The following IL1RAP variants were observed in gnomAD, a reference collection of about 807,000 sequenced individuals.
IL1RAP encodes interleukin-1 receptor accessory protein.
In IL1RAP, 35 loss-of-function variants were observed where a neutral mutation model predicts 60.7. That is an observed-to-expected ratio of 0.58 (90% CI 0.44 to 0.76). The LOEUF is 0.76. IL1RAP is among the 30% of genes least tolerant of loss of function. The probability of loss-of-function intolerance (pLI) is 0.00; values close to 1 mark genes in which losing one functional copy is unlikely to be tolerated. For synonymous variants in IL1RAP, 268 were observed against 250.9 expected (o/e 1.07, Z -0.64); for missense variants, 572 against 693.9 (o/e 0.82, Z 1.97).
intron 5 of IL1RAP, among the ~76,000 whole-genome samples, chr3:190,610,798 T>A (rs968259293): frequency 3.3e-5 from 5 of 152,214 alleles, no homozygotes; most frequent in Non-Finnish European, 7.4e-5. Context: ...TCTGCTTAAG[T>A]TGTTAATGAT....
intron 4 of IL1RAP, among the ~76,000 whole-genome samples, chr3:190,606,846 A>G (rs180800163): frequency 1.3e-5 from 2 of 152,276 alleles, no homozygotes; most frequent in Admixed American, 1.3e-4. Context: ...TAAGGCCATA[A>G]AGTTAGTTTC....
downstream of IL1RAP, among the ~76,000 whole-genome samples, chr3:190,655,606 T>TGTGTGTGTGTGTGTG (rs1560251150): frequency 1.4e-5 from 2 of 148,050 alleles, no homozygotes; most frequent in South Asian, 2.1e-4. Flanking sequence ...TGTGTGTGTG[T>TGTGTGTGTGTGTGTG]TTTAAGAAAG....
intron 3 of IL1RAP, among the ~76,000 whole-genome samples, chr3:190,600,367 C>A (rs1462946254): frequency 6.6e-6 from 1 of 152,214 alleles, no homozygotes; most frequent in African/African-American, 2.4e-5. Flanking sequence ...GGGCTTGGAA[C>A]AAAGCATGTA....
chr3:190,559,490 T>G (rs1294973703), intron 2 of IL1RAP, among the ~76,000 whole-genome samples: 1 of 152,176 alleles, frequency 6.6e-6, no homozygotes, highest in African/African-American at 2.4e-5. Flanking sequence ...GCTATCTTTC[T>G]TCTTTTCTAA....
intron 3 of IL1RAP, among the ~76,000 whole-genome samples, chr3:190,568,984 A>T (rs149790604): frequency 2.0e-5 from 3 of 152,338 alleles, no homozygotes; most frequent in African/African-American, 7.2e-5. Flanking sequence ...GAGCAGAGAA[A>T]GTTACCAATC....
chr3:190,571,360 T>A (rs970088796), intron 3 of IL1RAP, among the ~76,000 whole-genome samples: 1 of 151,088 alleles, frequency 6.6e-6, no homozygotes, highest in Non-Finnish European at 1.5e-5. Flanking sequence ...AAAAAAAAAT[T>A]AAAAAAATAG....
chr3:190,553,323 TATC>T (rs1478185471), intron 1 of IL1RAP, among the ~76,000 whole-genome samples: 2 of 152,222 alleles, frequency 1.3e-5, no homozygotes, highest in African/African-American at 2.4e-5. Context: ...CATTGATCCT[TATC>T]ATTCCTAGCC....
intron 10 of IL1RAP, among the ~76,000 whole-genome samples, chr3:190,645,339 A>G (rs983865463): frequency 4.6e-5 from 7 of 152,174 alleles, no homozygotes; most frequent in Non-Finnish European, 1.0e-4. Context: ...TCAATTTGTA[A>G]TTTTAAGATA....
intron 1 of IL1RAP, among the ~76,000 whole-genome samples, chr3:190,521,375 CTACATATTT>C (rs368702321): frequency 2.4e-4 from 37 of 151,746 alleles, no homozygotes; most frequent in African/African-American, 8.0e-4. Flanking sequence ...CTCAAAGGGG[CTACATATTT>C]ACTACAGCCA....
exon 12 of IL1RAP, chr3:190,659,367 T>G (rs1240444453): frequency 6.6e-6 from 1 of 152,122 alleles, no homozygotes; most frequent in Non-Finnish European, 1.5e-5. Flanking sequence ...GTAAAAGTCT[T>G]AGTTTTCAGT....
intron 7 of IL1RAP, among the ~76,000 whole-genome samples, chr3:190,624,052 C>A (rs1319924923): frequency 6.6e-6 from 1 of 152,186 alleles, no homozygotes; most frequent in Non-Finnish European, 1.5e-5. Context: ...TACAATACAT[C>A]CAGTCCAAAC....
At chr3:190,559,567 T>A (rs1244043350) in intron 2 of IL1RAP, among the ~76,000 whole-genome samples, 1 of 152,202 alleles carries the variant, frequency 6.6e-6, no homozygotes, top group African/African-American at 2.4e-5. Context: ...ACACTTGGTA[T>A]GTTTTATTTT....
At chr3:190,585,537 C>T (rs551928374) in intron 3 of IL1RAP, among the ~76,000 whole-genome samples, 1 of 152,284 alleles carries the variant, frequency 6.6e-6, no homozygotes, top group African/African-American at 2.4e-5. Flanking sequence ...TTAGGCTGGG[C>T]ATGGTGGCTC....
downstream of IL1RAP, among the ~76,000 whole-genome samples, chr3:190,653,584 C>T (rs1286137414): frequency 6.6e-6 from 1 of 152,134 alleles, no homozygotes; most frequent in African/African-American, 2.4e-5. Flanking sequence ...AAATGACCAT[C>T]CTAGTTTTCT....
chr3:190,615,082 G>GA (rs1731152472), intron 5 of IL1RAP, among the ~76,000 whole-genome samples: 1 of 151,746 alleles, frequency 6.6e-6, no homozygotes, highest in African/African-American at 2.4e-5. Flanking sequence ...CTGCATGGCG[G>GA]AAAAAAATTC....
intron 3 of IL1RAP, among the ~76,000 whole-genome samples, chr3:190,574,735 AC>A (rs1236836670): frequency 6.6e-6 from 1 of 152,030 alleles, no homozygotes; most frequent in African/African-American, 2.4e-5. Flanking sequence ...TTGTGGTCTC[AC>A]TCCAAGTTCT....
intron 2 of IL1RAP, among the ~76,000 whole-genome samples, chr3:190,560,555 T>C (rs1194452810): frequency 2.0e-5 from 3 of 152,124 alleles, no homozygotes; most frequent in Non-Finnish European, 4.4e-5. Context: ...TATAGAGCTA[T>C]ATATGGGATC....
chr3:190,651,960 C>T (rs904407109), downstream of IL1RAP, among the ~76,000 whole-genome samples: 1 of 152,114 alleles, frequency 6.6e-6, no homozygotes, highest in Non-Finnish European at 1.5e-5. Context: ...GAATATTTTT[C>T]ATCTAATAGG....
At position 190,650,463 on chromosome 3, in the gene IL1RAP, G is replaced by C; in HGVS notation, c.*1758G>C. On this transcript the variant is annotated 3_prime_UTR_variant, in exon 12 of 12. Coordinates refer to ENST00000447382, the MANE Select transcript of IL1RAP (RefSeq NM_002182.4). ...TCAGTGCTCAACTATTTGAACTGTT[G>C]AGTGATAAAGGAAACAAATATAACT... The C allele has an allele frequency of 1.0e-6, 1 of 983,292 alleles. No individual in the cohort carries two copies. Among genetic ancestry groups the C allele is most frequent in the Non-Finnish European group, 1.2e-6 (1 of 828,090 alleles). 60.9% of individuals were successfully genotyped at this position (983,292 alleles called of 1,614,324 possible).
Sources: allele counts gnomAD v4.1 joint callset (sites outside exome capture counted in the v4.1 genomes callset), GRCh38; gene constraint gnomAD v4.1.1; transcripts MANE v1.5; gene names NCBI Gene and HGNC (gene_info 2026-07-23, HGNC 2026-07-21).